The following AKAP13 variants were observed in gnomAD, a reference collection of about 807,000 sequenced individuals.
AKAP13 encodes the protein A-kinase anchoring protein 13, also known as A-kinase anchor protein 13.
In AKAP13, 80 loss-of-function variants were observed where a neutral mutation model predicts 264.5. That is an observed-to-expected ratio of 0.30 (90% confidence interval 0.25 to 0.36). AKAP13 has a LOEUF of 0.36. AKAP13 is among the 10% of genes least tolerant of loss of function. The pLI is 1.00. For missense variants in AKAP13, 3,712 were observed against 3,435.2 expected (o/e 1.08, Z -2.01); for synonymous variants, 1,380 against 1,250.2 (o/e 1.10, Z -2.19).
At chr15:85,695,425 C>A (rs1442896091) in intron 17 of AKAP13, among the ~76,000 whole-genome samples, 1 of 152,070 alleles carries the variant, frequency 6.6e-6, no homozygotes, top group Non-Finnish European at 1.5e-5. Context: ...CACAAAAAAA[C>A]GTGTATTTGG....
intron 1 of AKAP13, among the ~76,000 whole-genome samples, chr15:85,387,551 C>T (rs977097874): frequency 2.0e-5 from 3 of 151,988 alleles, no homozygotes; most frequent in African/African-American, 7.3e-5. Context: ...CCTCAAACTC[C>T]CGGGATGAAG....
chr15:85,549,916 T>G (rs2077893590), intron 5 of AKAP13, among the ~76,000 whole-genome samples: 1 of 152,108 alleles, frequency 6.6e-6, no homozygotes, highest in Non-Finnish European at 1.5e-5. Context: ...AGTATTGTCA[T>G]CTCTGATTGA....
chr15:85,450,468 A>G lies in AKAP13; in HGVS notation c.-11-35242A>G, dbSNP rs118090068. On this transcript the variant is annotated intron_variant, in intron 1 of 36. Coordinates refer to ENST00000394518, the MANE Select transcript of AKAP13 (RefSeq NM_007200.5). The stretch of plus-strand genomic sequence containing the variant: ...TGTGAGATTAGGTTGTTAATTTGAG[A>G]TCTTTCTTTTTCGTGTGGGCATTTG... Among the ~76,000 whole-genome samples the G allele has an allele frequency of 1.6e-3, 247 of 151,708 alleles. 1 individual carries two copies. The East Asian group carries it at 0.025, about 15-fold the overall frequency.
chr15:85,501,578 G>A (rs1467594247), intron 2 of AKAP13, among the ~76,000 whole-genome samples: 1 of 152,140 alleles, frequency 6.6e-6, no homozygotes, highest in African/African-American at 2.4e-5. Context: ...TTCCATACCT[G>A]CTAGTGCTTA....
intron 2 of AKAP13, among the ~76,000 whole-genome samples, chr15:85,499,579 A>G (rs1315450905): frequency 1.3e-5 from 2 of 152,210 alleles, no homozygotes; most frequent in Non-Finnish European, 2.9e-5. Flanking sequence ...AACCAATTCC[A>G]ACTCTATGTA....
At position 85,524,470 on chromosome 15, in the gene AKAP13, A is replaced by G. The variant is rs186155313; in HGVS notation, c.181+2895A>G. On this transcript the variant is annotated intron_variant, in intron 3 of 36. Transcript: ENST00000394518. ...ATTACAGACGTGAGCCACCGTGCCC[A>G]GCCTCTTCTTGCTTTTATTATTATT... 2.5e-3 allele frequency among the ~76,000 whole-genome samples: 373 copies of G among 151,776 alleles called. 2 individuals carry two copies. Among genetic ancestry groups the G allele is most frequent in the Non-Finnish European group, 3.9e-3 (262 of 67,866 alleles).
At chr15:85,546,164 A>C (rs190939687) in intron 5 of AKAP13, among the ~76,000 whole-genome samples, 4 of 152,314 alleles carry the variant, frequency 2.6e-5, no homozygotes, top group Admixed American at 2.6e-4. Context: ...TACGTACTTC[A>C]AAATTGCTAA....
At chr15:85,548,549 CTT>C (rs1372912568) in intron 5 of AKAP13, among the ~76,000 whole-genome samples, 1 of 152,130 alleles carries the variant, frequency 6.6e-6, no homozygotes. Flanking sequence ...TTTCCCCTCT[CTT>C]AATGATAATA....
Position 85,536,812 on chromosome 15 carries a change from G to C in AKAP13, c.478+2932G>C, listed in dbSNP as rs578027930. 2.0e-5 allele frequency: 3 copies of C among 152,266 alleles called. No homozygotes were observed. In the East Asian group the frequency reaches 5.8e-4, roughly 29 times the overall value. The allele number at this position is 152,266 out of a possible 1,614,324, so 9.4% of individuals were successfully genotyped here. ...GAGAACAGATGAGTAGTTGCTAGGG[G>C]CTGGGAGTGGGGGAAGTCTGACTGG... On this transcript the variant is annotated intron_variant, in intron 4 of 36. Transcript: ENST00000394518.
intron 1 of AKAP13, among the ~76,000 whole-genome samples, chr15:85,434,287 A>C (rs1022352824): frequency 6.6e-6 from 1 of 152,186 alleles, no homozygotes; most frequent in Non-Finnish European, 1.5e-5. Flanking sequence ...GCGAACCACG[A>C]GATTATATCC....
At position 85,579,150 on chromosome 15, in the gene AKAP13, A is replaced by C. The variant is rs151224106; in HGVS notation, c.1082A>C (p.Glu361Ala). Residue 361 changes from glutamate to alanine, a missense_variant, in exon 7 of 37, where the codon GAG becomes GCG. Glu to Ala is a moderately radical substitution (Grantham distance 107). Transcript: ENST00000394518. ...ESPCDLSSIV[E>A]EENTDRSCRK... is the part of the protein sequence containing the mutation. Reference sequence around the variant, plus strand: ...CCCTGTGATTTGTCAAGCATAGTTGAGGAGGAGAATACAGACCGTTCCTGT... The same window carrying C: ...CCCTGTGATTTGTCAAGCATAGTTGCGGAGGAGAATACAGACCGTTCCTGT... 2.5e-6 allele frequency: 4 copies of C among 1,614,010 alleles called. No individual in the cohort carries two copies. The African/African-American group carries it at 4.0e-5, about 16-fold the overall frequency.
intron 8 of AKAP13, among the ~76,000 whole-genome samples, chr15:85,622,471 G>A (rs924952029): frequency 1.3e-5 from 2 of 152,146 alleles, no homozygotes; most frequent in East Asian, 1.9e-4. Context: ...TGAGAAGGCC[G>A]GAGCCAGAGG....
At chr15:85,665,233 G>A (rs888622884) in intron 13 of AKAP13, among the ~76,000 whole-genome samples, 11 of 151,992 alleles carry the variant, frequency 7.2e-5, no homozygotes, top group African/African-American at 2.2e-4. Flanking sequence ...TAAAGACTAC[G>A]TTAATCTGCA....
At chr15:85,397,910 T>TGTA (rs914362661) in intron 1 of AKAP13, among the ~76,000 whole-genome samples, 3 of 152,216 alleles carry the variant, frequency 2.0e-5, no homozygotes, top group Non-Finnish European at 4.4e-5. Flanking sequence ...ATTTGCCAAG[T>TGTA]GTAGTAGTAA....
At chr15:85,397,368 C>T (rs557000969) in intron 1 of AKAP13, among the ~76,000 whole-genome samples, 5 of 152,136 alleles carry the variant, frequency 3.3e-5, no homozygotes, top group Non-Finnish European at 5.9e-5. Flanking sequence ...TAAAGATGAT[C>T]ACTTTATTAG....
In AKAP13 at chr15:85,727,315, T is replaced by C; in HGVS notation, c.7005-66T>C. Reference sequence around the variant, plus strand: ...GTCTCTGTGTGATTTCATAACAGGCTGGACTGTGACCAGAGTAATTGACAT... The same window carrying C: ...GTCTCTGTGTGATTTCATAACAGGCCGGACTGTGACCAGAGTAATTGACAT... On this transcript the variant is annotated intron_variant, in intron 28 of 36. Coordinates refer to ENST00000394518, the MANE Select transcript of AKAP13 (RefSeq NM_007200.5). This position sits in a 1 kb window ranked among gnomAD's most constrained non-coding sequence, Gnocchi z 5.3. 6.2e-7 allele frequency: 1 copy of C among 1,613,378 alleles called. No homozygotes were observed. Among genetic ancestry groups the C allele is most frequent in the Non-Finnish European group, 8.5e-7 (1 of 1,179,410 alleles).
intron 15 of AKAP13, among the ~76,000 whole-genome samples, chr15:85,683,930 G>C (rs418776): frequency 0.081 from 12,296 of 152,194 alleles, 832 homozygotes; most frequent in East Asian, 0.37. Flanking sequence ...CCTCAATTCT[G>C]TCTGCTCCTC....
chr15:85,629,422 T>A (rs1367441720), intron 8 of AKAP13, among the ~76,000 whole-genome samples: 1 of 151,754 alleles, frequency 6.6e-6, no homozygotes, highest in Non-Finnish European at 1.5e-5. Context: ...CCTCAGGGAG[T>A]CTCTCCACTT....
At chr15:85,617,017 T>C (rs2080965259) in intron 8 of AKAP13, among the ~76,000 whole-genome samples, 1 of 152,176 alleles carries the variant, frequency 6.6e-6, no homozygotes, top group African/African-American at 2.4e-5. Context: ...AATAAAAAGG[T>C]TAGTCTTTAT....
Sources: gnomAD v4.1 joint callset for allele counts (sites outside exome capture counted in the v4.1 genomes callset) on GRCh38, gnomAD v4.1.1 for gene constraint, Gnocchi (gnomAD v3.1) non-coding constraint, MANE v1.5 for transcripts, NCBI Gene and HGNC (gene_info 2026-07-23, HGNC 2026-07-21) for gene names.